Variants in PCDH11X observed in about 807,000 individuals in gnomAD.
The protein encoded by PCDH11X is protocadherin-11 X-linked.
Under a neutral mutation model 53.3 loss-of-function variants are expected in PCDH11X, and 18 were observed. The observed-to-expected ratio is 0.34, with a 90% confidence interval of 0.23 to 0.50. The LOEUF (loss-of-function observed/expected upper bound fraction) is 0.50, where lower values mean the gene tolerates loss of function less well. Among genes scored for constraint, PCDH11X ranks in the 20% least tolerant of loss-of-function variants. The pLI is 0.98. For synonymous variants in PCDH11X, 279 were observed against 393.3 expected, an observed-to-expected ratio of 0.71 and a Z score of 3.44; for missense variants, 570 against 1,032.4, an observed-to-expected ratio of 0.55 and a Z score of 6.14.
At chrX:92,487,903 A>G (rs1031223846) in intron 10 of PCDH11X, among the ~76,000 whole-genome samples, 1 of 111,854 alleles carries the variant, frequency 8.9e-6, no homozygotes, top group Non-Finnish European at 1.9e-5. Flanking sequence ...GGTGTGATTG[A>G]ATTGGCTTCC....
chrX:92,285,968 T>C (rs1367244918), intron 8 of PCDH11X, among the ~76,000 whole-genome samples: 1 of 112,601 alleles, frequency 8.9e-6, no homozygotes, highest in African/African-American at 3.2e-5. Context: ...CAGGAACATG[T>C]CCTTAAGGCA....
At chrX:91,781,667 CGTGT>C (rs763838247) in intron 1 of PCDH11X, among the ~76,000 whole-genome samples, 9 of 107,371 alleles carry the variant, frequency 8.4e-5, no homozygotes, top group Non-Finnish European at 1.5e-4. Flanking sequence ...TGTGTGTGCG[CGTGT>C]GTGTGTGTGT....
At chrX:91,792,141 G>A (rs202241090) in intron 1 of PCDH11X, among the ~76,000 whole-genome samples, 4 of 109,537 alleles carry the variant, frequency 3.7e-5, no homozygotes, top group Non-Finnish European at 5.7e-5. Context: ...GAGCCACCGC[G>A]CCCGGCCTCA....
intron 9 of PCDH11X, among the ~76,000 whole-genome samples, chrX:92,394,229 T>C (rs1235746812): frequency 8.9e-6 from 1 of 111,751 alleles, no homozygotes; most frequent in Non-Finnish European, 1.9e-5. Flanking sequence ...CAGGATTTTA[T>C]TTGGGTGACA....
chrX:92,380,820 A>T (rs1204877451), intron 8 of PCDH11X, among the ~76,000 whole-genome samples: 2 of 104,061 alleles, frequency 1.9e-5, no homozygotes, highest in Admixed American at 2.2e-4. Flanking sequence ...ACAGTGCCAT[A>T]TCAATTTACT....
chrX:92,310,924 C>T (rs1232135682), intron 8 of PCDH11X, among the ~76,000 whole-genome samples: 1 of 111,660 alleles, frequency 9.0e-6, no homozygotes, highest in African/African-American at 3.3e-5. Flanking sequence ...ATAACCTGAG[C>T]AGTTTGATAT....
chrX:92,338,184 A>G (rs1185766018), intron 8 of PCDH11X, among the ~76,000 whole-genome samples: 1 of 112,106 alleles, frequency 8.9e-6, no homozygotes, highest in African/African-American at 3.2e-5. Context: ...TAAGCTGACA[A>G]TCTTTCCACA....
intron 1 of PCDH11X, among the ~76,000 whole-genome samples, chrX:91,791,691 T>C (rs1330933961): frequency 9.4e-6 from 1 of 105,953 alleles, no homozygotes; most frequent in African/African-American, 3.5e-5. Context: ...GGGTTTTTTT[T>C]TTTTTGAGAG....
At chrX:92,163,652 C>T (rs2065681831) in intron 6 of PCDH11X, among the ~76,000 whole-genome samples, 1 of 111,848 alleles carries the variant, frequency 8.9e-6, no homozygotes, top group Non-Finnish European at 1.9e-5. Context: ...GTCCCCCTTT[C>T]CCACTGTCAC....
chrX:92,117,520 C>G (rs1184380042), intron 6 of PCDH11X, among the ~76,000 whole-genome samples: 1 of 111,018 alleles, frequency 9.0e-6, no homozygotes, highest in Non-Finnish European at 1.9e-5. Flanking sequence ...TCTGTATATA[C>G]TAGCGTAAGT....
chrX:92,399,192 CAA>C (rs376361040), intron 9 of PCDH11X, among the ~76,000 whole-genome samples: 15 of 91,543 alleles, frequency 1.6e-4, no homozygotes, highest in African/African-American at 2.5e-4. Flanking sequence ...GACTCCGTGT[CAA>C]AAAAAAAAAA....
intron 6 of PCDH11X, among the ~76,000 whole-genome samples, chrX:91,951,703 C>T (rs1369456044): frequency 1.9e-5 from 2 of 107,135 alleles, no homozygotes; most frequent in Non-Finnish European, 3.9e-5. Context: ...ACATAATAAA[C>T]ATCACATAAA....
At chrX:92,208,254 A>G (rs2066513533) in intron 7 of PCDH11X, among the ~76,000 whole-genome samples, 2 of 105,069 alleles carry the variant, frequency 1.9e-5, no homozygotes, top group African/African-American at 3.4e-5. Context: ...TTTACTATAT[A>G]TTAGGCAGTC....
At chrX:91,946,326 A>G (rs1443188690) in intron 6 of PCDH11X, among the ~76,000 whole-genome samples, 71 of 106,936 alleles carry the variant, frequency 6.6e-4, no homozygotes, top group South Asian at 1.6e-3. Flanking sequence ...TTTATATTTT[A>G]AACATTGTAC....
At chrX:92,069,866 G>A (rs2063671649) in intron 6 of PCDH11X, among the ~76,000 whole-genome samples, 1 of 110,267 alleles carries the variant, frequency 9.1e-6, no homozygotes, top group Non-Finnish European at 1.9e-5. Flanking sequence ...ATTTTTAGTA[G>A]AGACAGGGTT....
chrX:92,040,680 T>TG (rs2063196744), intron 6 of PCDH11X, among the ~76,000 whole-genome samples: 1 of 109,892 alleles, frequency 9.1e-6, no homozygotes, highest in African/African-American at 3.4e-5. Flanking sequence ...GACATTGCTT[T>TG]TTGTGTGTGT....
chrX:92,062,768 C>T (rs941799746), intron 6 of PCDH11X, among the ~76,000 whole-genome samples: 3 of 111,317 alleles, frequency 2.7e-5, no homozygotes, highest in East Asian at 5.7e-4. Flanking sequence ...TTAGTTCAAC[C>T]GTTGTGGAAG....
intron 6 of PCDH11X, among the ~76,000 whole-genome samples, chrX:91,904,338 C>T (rs976318151): frequency 2.3e-4 from 25 of 109,186 alleles, no homozygotes; most frequent in East Asian, 1.7e-3. Context: ...GGCAGCAGTA[C>T]GACTACATAT....
At chrX:92,449,961 C>G (rs776977521) in intron 9 of PCDH11X, among the ~76,000 whole-genome samples, 1 of 111,020 alleles carries the variant, frequency 9.0e-6, no homozygotes, top group African/African-American at 3.3e-5. Flanking sequence ...AATTTTGGAA[C>G]AGTATAATTG....
Sources: gnomAD v4.1 joint callset for allele counts (sites outside exome capture counted in the v4.1 genomes callset) on GRCh38, gnomAD v4.1.1 for gene constraint, MANE v1.5 for transcripts, NCBI Gene and HGNC (gene_info 2026-07-23, HGNC 2026-07-21) for gene names.